The following TBC1D15 variants were observed in gnomAD, a reference collection of about 807,000 sequenced individuals.
TBC1D15 encodes TBC1 domain family member 15, also known as GAP for RAB7.
In TBC1D15, 39 loss-of-function variants were observed where a neutral mutation model predicts 95.4. That is an observed-to-expected ratio of 0.41 (90% CI 0.32 to 0.53). The LOEUF (loss-of-function observed/expected upper bound fraction) is 0.53. TBC1D15 is among the 20% of genes least tolerant of loss of function. The pLI is 0.29. For missense variants in TBC1D15, 733 were observed against 794.3 expected (o/e 0.92, Z 0.93); for synonymous variants, 258 against 261.3 (o/e 0.99, Z 0.12).
At chr12:71,884,571 G>A (rs570517349) in intron 4 of TBC1D15, among the ~76,000 whole-genome samples, 9 of 152,202 alleles carry the variant, frequency 5.9e-5, no homozygotes, top group African/African-American at 2.2e-4. Flanking sequence ...GGCAAAGCTT[G>A]TATTTTACAT....
At position 71,863,915 on chromosome 12, in the gene TBC1D15, T is replaced by G. The variant is rs1890915585; in HGVS notation, c.31-8155T>G. Among the ~76,000 whole-genome samples, 5 of 152,166 alleles carry G rather than the reference T, an allele frequency of 3.3e-5. No homozygotes were observed. The South Asian group carries it at 1.0e-3, about 31-fold the overall frequency. On this transcript the variant is annotated intron_variant, in intron 1 of 16. Coordinates refer to ENST00000485960, the MANE Select transcript of TBC1D15 (RefSeq NM_001146213.3). ...TTTATGGAATATCTCATTCATATCA[T>G]GAATTATTTTCCTGATTTTATTGAA...
At chr12:71,871,653 G>A (rs1892716229) in intron 1 of TBC1D15, among the ~76,000 whole-genome samples, 1 of 152,206 alleles carries the variant, frequency 6.6e-6, no homozygotes, top group Non-Finnish European at 1.5e-5. Context: ...CTATTAACAG[G>A]TGCAGTCATA....
At position 71,923,182 on chromosome 12, in the gene TBC1D15, T is replaced by A. The variant is rs142468209; in HGVS notation, c.2003T>A (p.Val668Asp). ...SPTQIPVSSD[V>D]CRLTPA is the part of the protein sequence containing the mutation. Reference sequence around the variant, plus strand: ...ACACAGATACCAGTGTCCTCAGATGTCTGCAGATTAACACCTGCATGATCA... The same window carrying A: ...ACACAGATACCAGTGTCCTCAGATGACTGCAGATTAACACCTGCATGATCA... The change falls in exon 17 of 17, where the codon GTC becomes GAC. Residue 668 changes from valine to aspartate, a missense_variant. Coordinates refer to ENST00000485960, the MANE Select transcript of TBC1D15 (RefSeq NM_001146213.3). 105 of 1,614,044 alleles carry A rather than the reference T, an allele frequency of 6.5e-5. No homozygotes were observed. The highest frequency in any genetic ancestry group is 8.4e-5 in the Non-Finnish European group (99 of 1,179,998).
intron 8 of TBC1D15, 26 bp downstream of exon 8, chr12:71,896,101 T>C (rs958516670): frequency 6.3e-7 from 1 of 1,579,348 alleles, no homozygotes; most frequent in Admixed American, 1.7e-5. Context: ...TAATATGGCT[T>C]GTCTTATAAA....
At chr12:71,893,779 T>C (rs1367739232) in intron 6 of TBC1D15, among the ~76,000 whole-genome samples, 1 of 152,004 alleles carries the variant, frequency 6.6e-6, no homozygotes, top group Non-Finnish European at 1.5e-5. Flanking sequence ...GCTAAAAATG[T>C]GCACTTAATA....
intron 3 of TBC1D15, among the ~76,000 whole-genome samples, chr12:71,874,011 G>T (rs1471407475): frequency 6.6e-6 from 1 of 152,110 alleles, no homozygotes; most frequent in Non-Finnish European, 1.5e-5. Flanking sequence ...TCTTCCATTT[G>T]TTCATGTCTA....
chr12:71,866,171 G>A (rs1242242214), intron 1 of TBC1D15, among the ~76,000 whole-genome samples: 3 of 152,114 alleles, frequency 2.0e-5, no homozygotes, highest in Non-Finnish European at 4.4e-5. Context: ...GGGTGGTTCG[G>A]TGGTTGCTTA....
chr12:71,922,043 A>G (rs1391447473), intron 16 of TBC1D15, among the ~76,000 whole-genome samples: 2 of 152,124 alleles, frequency 1.3e-5, no homozygotes, highest in African/African-American at 4.8e-5. Flanking sequence ...TTTCCTGAGT[A>G]GCTGGGATTA....
At position 71,899,981 on chromosome 12, in the gene TBC1D15, A is replaced by T. The variant is rs1898999310; in HGVS notation, c.1183+2040A>T. The stretch of plus-strand genomic sequence containing the variant: ...CTCAAAACAAAACAAAACCAAAAAA[A>T]GTAGGTGGATTCAAGTTATATTTTG... On this transcript the variant is annotated intron_variant, in intron 10 of 16. Coordinates refer to ENST00000485960, the MANE Select transcript of TBC1D15 (RefSeq NM_001146213.3). Among the ~76,000 whole-genome samples, 4 of 152,216 alleles carry T rather than the reference A, an allele frequency of 2.6e-5. No individual in the cohort carries two copies. In the South Asian group the frequency reaches 8.3e-4, roughly 32 times the overall value.
intron 1 of TBC1D15, among the ~76,000 whole-genome samples, chr12:71,852,465 T>G (rs1888061573): frequency 6.6e-6 from 1 of 152,274 alleles, no homozygotes; most frequent in African/African-American, 2.4e-5. Flanking sequence ...ATTCCTCTCC[T>G]GAAAATGGGC....
chr12:71,860,175 A>G (rs182287665), intron 1 of TBC1D15, among the ~76,000 whole-genome samples: 66 of 152,228 alleles, frequency 4.3e-4, no homozygotes, highest in African/African-American at 1.6e-3. Flanking sequence ...TACATTTTGA[A>G]GTCTGGTAGT....
Position 71,923,679 on chromosome 12 carries a change from C to T in TBC1D15, c.*475C>T, listed in dbSNP as rs1183206819. On this transcript the variant is annotated 3_prime_UTR_variant, in exon 17 of 17. Transcript: ENST00000485960. The stretch of plus-strand genomic sequence containing the variant: ...CTCTATTGTTTACGACAGTACTCAG[C>T]TTAAATATTTATGCTGGTCAAATGT... The T allele has an allele frequency of 6.5e-6, 1 of 154,372 alleles. No homozygotes were observed. The highest frequency in any genetic ancestry group is 1.4e-5 in the Non-Finnish European group (1 of 69,262). The allele number at this position is 154,372 out of a possible 1,614,324, so 9.6% of individuals were successfully genotyped here. A position where few individuals can be genotyped will look rare whatever the true frequency, so the allele number is the denominator to read the frequency against.
chr12:71,916,595 T>G (rs574833655), intron 12 of TBC1D15, among the ~76,000 whole-genome samples: 1 of 152,220 alleles, frequency 6.6e-6, no homozygotes, highest in Non-Finnish European at 1.5e-5. Context: ...AAAGCACTAT[T>G]GTACTGTAAA....
At chr12:71,897,738 A>G (rs1157320619) in intron 9 of TBC1D15, 109 bp from the exon 10 acceptor site, 1 of 717,340 alleles carries the variant, frequency 1.4e-6, no homozygotes, top group Non-Finnish European at 2.4e-6. Context: ...CTTACATTCC[A>G]CTAGCATCAT....
chr12:71,918,390 C>T, intron 13 of TBC1D15, 61 bp from the exon 14 acceptor site: 1 of 1,060,850 alleles, frequency 9.4e-7, no homozygotes. Flanking sequence ...AGAAAAGTAA[C>T]TGTATTCTGA....
At chr12:71,908,413 T>G (rs1224992884) in intron 11 of TBC1D15, among the ~76,000 whole-genome samples, 2 of 152,208 alleles carry the variant, frequency 1.3e-5, no homozygotes, top group Non-Finnish European at 2.9e-5. Context: ...TAATGTTTTC[T>G]AGATTAGTAA....
chr12:71,896,756 G>A lies in TBC1D15; in HGVS notation c.1064G>A (p.Arg355Lys). Residue 355 changes from arginine to lysine, a missense_variant, in exon 9 of 17, where the codon AGA (arginine) becomes AAA (lysine). Coordinates refer to ENST00000485960, the MANE Select transcript of TBC1D15 (RefSeq NM_001146213.3). Reference protein sequence around the residue: ...YFPWDSTKEERTQLQKQKTDE... With the variant: ...YFPWDSTKEEKTQLQKQKTDE... ...CCCTGGGACAGTACCAAGGAGGAAA[G>A]AACCCAATTACAAAAGCAAAAAACG... is the stretch of plus-strand genomic sequence containing the variant. The A allele has an allele frequency of 6.2e-7, 1 of 1,611,386 alleles. No individual in the cohort carries two copies. Among genetic ancestry groups the A allele is most frequent in the Non-Finnish European group, 8.5e-7 (1 of 1,178,954 alleles).
intron 1 of TBC1D15, among the ~76,000 whole-genome samples, chr12:71,869,385 T>C (rs1428188706): frequency 6.6e-6 from 1 of 152,108 alleles, no homozygotes; most frequent in Non-Finnish European, 1.5e-5. Context: ...TAGTCGGGCA[T>C]GGTGGTGCAT....
chr12:71,877,786 G>T (rs1461545288), intron 3 of TBC1D15, among the ~76,000 whole-genome samples: 2 of 152,008 alleles, frequency 1.3e-5, no homozygotes, highest in African/African-American at 4.8e-5. Flanking sequence ...TAGCTTCTTA[G>T]ATGTTTTTCA....
Sources: gnomAD v4.1 joint callset for allele counts (sites outside exome capture counted in the v4.1 genomes callset) on GRCh38, gnomAD v4.1.1 for gene constraint, MANE v1.5 for transcripts, NCBI Gene and HGNC (gene_info 2026-07-23, HGNC 2026-07-21) for gene names.